Variants in GOLGA4 observed in about 807,000 individuals in gnomAD.
The protein encoded by GOLGA4 is golgin subfamily A member 4.
Under a neutral mutation model 265.9 loss-of-function variants are expected in GOLGA4, and 169 were observed. The observed-to-expected ratio is 0.64, with a 90% CI of 0.56 to 0.72. GOLGA4 has a LOEUF of 0.72. Ranked by LOEUF, GOLGA4 falls within the 30% of genes least tolerant of loss-of-function variation. The pLI, the probability that GOLGA4 is intolerant of heterozygous loss-of-function variation, is 0.00. For missense variants in GOLGA4, 2,482 were observed against 2,483.4 expected (o/e 1.00, Z 0.01); for synonymous variants, 923 against 855.8 (o/e 1.08, Z -1.37).
At chr3:37,314,910 A>G (rs2096933355) in intron 10 of GOLGA4, among the ~76,000 whole-genome samples, 1 of 152,090 alleles carries the variant, frequency 6.6e-6, no homozygotes, top group Non-Finnish European at 1.5e-5. Context: ...AGAAACAAAA[A>G]TCTCTGCTCT....
chr3:37,313,481 G>A (rs1038784044), intron 10 of GOLGA4: 1 of 152,120 alleles, frequency 6.6e-6, no homozygotes, highest in African/African-American at 2.4e-5. Flanking sequence ...TATTATATAT[G>A]TCGGTGAACA....
intron 16 of GOLGA4, among the ~76,000 whole-genome samples, chr3:37,330,259 C>T (rs1175101139): frequency 6.6e-6 from 1 of 151,170 alleles, no homozygotes; most frequent in Non-Finnish European, 1.5e-5. Context: ...TAAGTAATTT[C>T]CCTAAAACTA....
intron 20 of GOLGA4, among the ~76,000 whole-genome samples, chr3:37,344,091 C>G (rs2151029563): frequency 6.6e-6 from 1 of 152,328 alleles, no homozygotes; most frequent in East Asian, 1.9e-4. Flanking sequence ...TAAATTCTGT[C>G]TGTTTACCCA....
chr3:37,282,644 A>G (rs2096837927), intron 3 of GOLGA4, among the ~76,000 whole-genome samples: 1 of 152,216 alleles, frequency 6.6e-6, no homozygotes, highest in Non-Finnish European at 1.5e-5. Context: ...ATGCGGCTCC[A>G]AAATGACCTC....
At chr3:37,273,781 G>A (rs544360600) in intron 2 of GOLGA4, among the ~76,000 whole-genome samples, 1 of 152,318 alleles carries the variant, frequency 6.6e-6, no homozygotes, top group Non-Finnish European at 1.5e-5. Context: ...ATGAAAGCAA[G>A]ACTGTATTAT....
At chr3:37,278,151 TA>T (rs200121895) in intron 2 of GOLGA4, among the ~76,000 whole-genome samples, 8,023 of 149,754 alleles carry the variant, frequency 0.054, 315 homozygotes, top group African/African-American at 0.1. Context: ...TTGTTAAACA[TA>T]AAAAAAAAGA....
At chr3:37,331,762 C>T (rs1220073714) in intron 16 of GOLGA4, among the ~76,000 whole-genome samples, 1 of 152,168 alleles carries the variant, frequency 6.6e-6, no homozygotes, top group Non-Finnish European at 1.5e-5. Flanking sequence ...TCTTACCATT[C>T]CTCCATTTGA....
chr3:37,337,460 C>T (rs533574023), intron 18 of GOLGA4, among the ~76,000 whole-genome samples: 27 of 152,218 alleles, frequency 1.8e-4, no homozygotes, highest in African/African-American at 6.0e-4. Context: ...GTTCCCCTGC[C>T]TCGGCTTTCC....
At chr3:37,330,228 G>A (rs1307255189) in intron 16 of GOLGA4, among the ~76,000 whole-genome samples, 2 of 151,642 alleles carry the variant, frequency 1.3e-5, no homozygotes, top group East Asian at 1.9e-4. Flanking sequence ...TTTTCAGAAG[G>A]AAAAGCCAGT....
chr3:37,283,064 T>G (rs1459018441), intron 3 of GOLGA4, among the ~76,000 whole-genome samples: 2 of 151,068 alleles, frequency 1.3e-5, no homozygotes, highest in African/African-American at 4.9e-5. Flanking sequence ...GTAGTTAATT[T>G]TAATTAATGA....
rs542462724 is a variant in GOLGA4 at position 37,326,832 on chromosome 3, C to G, written c.4946C>G (p.Ala1649Gly). 2 of 1,613,496 alleles carry G rather than the reference C, an allele frequency of 1.2e-6. No homozygotes were observed. Among genetic ancestry groups the G allele is most frequent in the Non-Finnish European group, 1.7e-6 (2 of 1,179,742 alleles). Residue 1649 changes from alanine to glycine, a missense_variant, in exon 14 of 24, where the codon GCT becomes GGT. Ala to Gly is a moderately conservative substitution (Grantham distance 60). Transcript: ENST00000361924. ...AAGAGAAAAGCTGAACAAAAAATTG[C>G]TGCCATTAAGAAGCAGTTGTTATCT... Reference protein sequence around the residue: ...ELKRKAEQKIAAIKKQLLSQM... With the variant: ...ELKRKAEQKIGAIKKQLLSQM...
chr3:37,355,108 C>T lies in GOLGA4; in HGVS notation c.6584C>T (p.Ala2195Val). The T allele has an allele frequency of 6.3e-7, 1 of 1,596,154 alleles. No homozygotes were observed. Among genetic ancestry groups the T allele is most frequent in the South Asian group, 1.1e-5 (1 of 90,714 alleles). Reference protein sequence around the residue: ...YMMGRETKTMAKVITTVLKFP... With the variant: ...YMMGRETKTMVKVITTVLKFP... ...CTCTTGTTTTTCTTGTAGACCATGGCAAAAGTTATAACCACCGTACTGAAG... is the reference window on the plus strand; with the variant it reads ...CTCTTGTTTTTCTTGTAGACCATGGTAAAAGTTATAACCACCGTACTGAAG... Residue 2195 changes from alanine to valine, a missense_variant, in exon 22 of 24, where the codon GCA becomes GTA. Transcript: ENST00000361924.
At chr3:37,259,922 G>A (rs2096764704) in intron 2 of GOLGA4, among the ~76,000 whole-genome samples, 1 of 152,232 alleles carries the variant, frequency 6.6e-6, no homozygotes, top group South Asian at 2.1e-4. Flanking sequence ...ACAAAATAGA[G>A]CCTTGAGTTG....
In GOLGA4 at chr3:37,284,614, A is replaced by G. The variant is rs117333302; in HGVS notation, c.478-1400A>G. On this transcript the variant is annotated intron_variant, in intron 3 of 23. Coordinates refer to ENST00000361924, the MANE Select transcript of GOLGA4 (RefSeq NM_002078.5). ...TAAGGGGAGATTCCTGGTCTTAGGC[A>G]GAATTTCGTTTTTTATATTCTTTGT... Among the ~76,000 whole-genome samples, 366 of 151,130 alleles carry G rather than the reference A, an allele frequency of 2.4e-3. 10 individuals carry two copies. In the East Asian group the frequency reaches 0.064, roughly 26 times the overall value.
chr3:37,296,271 C>T (rs770195210), intron 7 of GOLGA4, 52 bp downstream of exon 7: 5 of 1,580,770 alleles, frequency 3.2e-6, no homozygotes, highest in Non-Finnish European at 1.7e-6. Context: ...GAGAGCCAGG[C>T]TCCTTGGCTT....
intron 21 of GOLGA4, among the ~76,000 whole-genome samples, chr3:37,353,330 C>A (rs1271140141): frequency 6.6e-6 from 1 of 152,078 alleles, no homozygotes; most frequent in Non-Finnish European, 1.5e-5. Flanking sequence ...CACCTTCAAT[C>A]TGCAAAATAA....
intron 19 of GOLGA4, among the ~76,000 whole-genome samples, chr3:37,339,524 A>G (rs966321093): frequency 5.3e-5 from 8 of 152,230 alleles, no homozygotes; most frequent in Non-Finnish European, 8.8e-5. Flanking sequence ...AACAAAGTAT[A>G]AGAGTTCCAG....
At chr3:37,316,934 A>G (rs533298634) in intron 11 of GOLGA4, among the ~76,000 whole-genome samples, 12 of 151,928 alleles carry the variant, frequency 7.9e-5, no homozygotes, top group Non-Finnish European at 1.6e-4. Flanking sequence ...TTCTTTTTTT[A>G]AACACAAAAG....
intron 19 of GOLGA4, among the ~76,000 whole-genome samples, chr3:37,339,701 CTCAAG>C (rs2097026475): frequency 6.6e-6 from 1 of 152,200 alleles, no homozygotes; most frequent in South Asian, 2.1e-4. Context: ...GCAATGTCTA[CTCAAG>C]TCCTTTGTCC....
Sources: allele counts gnomAD v4.1 joint callset (sites outside exome capture counted in the v4.1 genomes callset), GRCh38; gene constraint gnomAD v4.1.1; transcripts MANE v1.5; gene names NCBI Gene and HGNC (gene_info 2026-07-23, HGNC 2026-07-21).